The following ANKRD44 variants were observed in gnomAD, a reference collection of about 807,000 sequenced individuals.
The protein encoded by ANKRD44 is ankyrin repeat domain 44.
ANKRD44 carries 35 observed loss-of-function variants against 116.0 expected under a neutral mutation model. That is an observed-to-expected ratio of 0.30 (90% confidence interval 0.23 to 0.40). The LOEUF (loss-of-function observed/expected upper bound fraction) is 0.40. Among genes scored for constraint, ANKRD44 ranks in the 10% least tolerant of loss-of-function variants. ANKRD44 has a pLI of 1.00. For synonymous variants in ANKRD44, 435 were observed against 461.8 expected, an observed-to-expected ratio of 0.94 and a Z score of 0.74; for missense variants, 1,014 against 1,242.6, an observed-to-expected ratio of 0.82 and a Z score of 2.77.
At chr2:197,077,416 T>A (rs940055537) in intron 16 of ANKRD44, among the ~76,000 whole-genome samples, 1 of 152,180 alleles carries the variant, frequency 6.6e-6, no homozygotes, top group East Asian at 1.9e-4. Flanking sequence ...CACAGTTAGG[T>A]GAGCCAGCAG....
At chr2:196,992,578 C>A (rs2075940206) in intron 27 of ANKRD44, 1 of 152,604 alleles carries the variant, frequency 6.6e-6, no homozygotes, top group Admixed American at 6.5e-5. Context: ...TGCAGGCCAA[C>A]CCTAAGTCTA....
chr2:197,281,343 C>T (rs926840822), intron 1 of ANKRD44, among the ~76,000 whole-genome samples: 2 of 152,104 alleles, frequency 1.3e-5, no homozygotes, highest in Non-Finnish European at 1.5e-5. Context: ...CTCCATCCCC[C>T]ACCCCCCATC....
chr2:197,056,596 A>T (rs1352869049), intron 16 of ANKRD44, among the ~76,000 whole-genome samples: 3 of 152,112 alleles, frequency 2.0e-5, no homozygotes, highest in African/African-American at 4.8e-5. Context: ...TTTATTTAGG[A>T]CATCTTTAAT....
At chr2:196,985,709 T>C (rs1282861429), downstream of ANKRD44, among the ~76,000 whole-genome samples, 3 of 152,174 alleles carry the variant, frequency 2.0e-5, no homozygotes, top group Non-Finnish European at 4.4e-5. Flanking sequence ...CTGCTAACAT[T>C]CTATACTACT....
chr2:197,267,491 T>A (rs1046354010), intron 1 of ANKRD44, among the ~76,000 whole-genome samples: 8 of 152,224 alleles, frequency 5.3e-5, no homozygotes, highest in African/African-American at 1.9e-4. Context: ...GGAAAAAATA[T>A]GATCCTTAGA....
chr2:197,182,262 A>G lies in ANKRD44; in HGVS notation c.111+4761T>C, dbSNP rs185305480. Among the ~76,000 whole-genome samples, 8 of 152,336 alleles carry G rather than the reference A, an allele frequency of 5.3e-5. No homozygotes were observed. The East Asian group carries it at 1.5e-3, about 29-fold the overall frequency. On this transcript the variant is annotated intron_variant, in intron 2 of 27. Coordinates refer to ENST00000282272, the MANE Select transcript of ANKRD44 (RefSeq NM_001195144.2). ...TCTCAGAGTGTACAATGATCATCCC[A>G]TATTTCCAGGCCCTGGTATGCCATT...
chr2:197,146,599 T>C (rs1299237200), intron 3 of ANKRD44, among the ~76,000 whole-genome samples: 2 of 148,494 alleles, frequency 1.3e-5, no homozygotes, highest in African/African-American at 2.6e-5. Flanking sequence ...ATGCTATACA[T>C]AGTGTTTATG....
In ANKRD44 at chr2:197,005,907, T is replaced by A; in HGVS notation, c.2134A>T (p.Met712Leu). ...TGCACACATTCCTCGTGTCCTGTCA[T>A]AATCTGATGCATTGTAATTAAAAAC... ...LGCTALHRGI[M>L]TGHEECVQML... The change falls in exon 21 of 28, where the codon ATG becomes TTG. Residue 712 changes from methionine to leucine, a missense_variant. Met to Leu is a conservative substitution (Grantham distance 15). Transcript: ENST00000282272. 6.2e-7 allele frequency: 1 copy of A among 1,614,168 alleles called. No individual in the cohort carries two copies. The highest frequency in any genetic ancestry group is 1.1e-5 in the South Asian group (1 of 91,088).
chr2:197,153,706 A>T (rs1157603169), intron 2 of ANKRD44, among the ~76,000 whole-genome samples: 1 of 152,214 alleles, frequency 6.6e-6, no homozygotes, highest in African/African-American at 2.4e-5. Flanking sequence ...AAAAACAAAC[A>T]TGTTAACATT....
intron 17 of ANKRD44, 84 bp from the exon 18 acceptor site, chr2:197,013,796 GGGCCA>G: frequency 6.9e-7 from 1 of 1,446,148 alleles, no homozygotes; most frequent in Non-Finnish European, 9.6e-7. Context: ...TGGGCTTCCT[GGGCCA>G]TGGATAGAGA....
At chr2:197,227,558 C>A (rs1336321900) in intron 1 of ANKRD44, among the ~76,000 whole-genome samples, 1 of 151,340 alleles carries the variant, frequency 6.6e-6, no homozygotes, top group East Asian at 1.9e-4. Flanking sequence ...CATCCCAATT[C>A]TACTAAACTA....
At chr2:197,179,325 T>C (rs1268888333) in intron 2 of ANKRD44, among the ~76,000 whole-genome samples, 1 of 152,176 alleles carries the variant, frequency 6.6e-6, no homozygotes, top group Admixed American at 6.5e-5. Flanking sequence ...TTTTGTCAAG[T>C]TTCCCCACTC....
chr2:196,988,001 T>C lies in ANKRD44; in HGVS notation c.*1590A>G, dbSNP rs1421354073. ...AGGAAGAGAGAGAGAGAGAGATCAG[T>C]TGATGTAATGAACAGTTCATTGTGA... is the stretch of plus-strand genomic sequence containing the variant. On this transcript the variant is annotated 3_prime_UTR_variant, in exon 28 of 28. Transcript: ENST00000282272. The C allele has an allele frequency of 2.0e-6, 2 of 985,164 alleles. No homozygotes were observed. The highest frequency in any genetic ancestry group is 9.4e-5 in the South Asian group (2 of 21,278). The allele number at this position is 985,164 out of a possible 1,614,324, so 61.0% of individuals were successfully genotyped here. A position where few individuals can be genotyped will look rare whatever the true frequency, so the allele number is the denominator to read the frequency against.
chr2:197,077,258 T>C (rs946515719), intron 16 of ANKRD44, among the ~76,000 whole-genome samples: 8 of 152,244 alleles, frequency 5.3e-5, no homozygotes, highest in African/African-American at 9.6e-5. Flanking sequence ...TAATGATCAG[T>C]GATGCTGAGC....
chr2:197,155,041 T>C (rs559764607), intron 2 of ANKRD44, among the ~76,000 whole-genome samples: 1 of 152,298 alleles, frequency 6.6e-6, no homozygotes, highest in South Asian at 2.1e-4. Context: ...AAAATGATGA[T>C]AAAATAAGAA....
chr2:197,236,866 A>C (rs1282059013), intron 1 of ANKRD44, among the ~76,000 whole-genome samples: 1 of 152,204 alleles, frequency 6.6e-6, no homozygotes, highest in Non-Finnish European at 1.5e-5. Flanking sequence ...TCTGAAGGCT[A>C]CTGTTTTTAG....
At chr2:197,272,394 C>A (rs1040418408) in intron 1 of ANKRD44, among the ~76,000 whole-genome samples, 2 of 152,104 alleles carry the variant, frequency 1.3e-5, no homozygotes, top group East Asian at 3.9e-4. Context: ...CGTGCCACCA[C>A]GCCCAGCTAA....
intron 21 of ANKRD44, among the ~76,000 whole-genome samples, chr2:196,969,426 T>A (rs1288366889): frequency 6.6e-6 from 1 of 152,184 alleles, no homozygotes; most frequent in South Asian, 2.1e-4. Context: ...CCTGTTTTTA[T>A]ACCACTTTTT....
At chr2:197,028,377 C>G (rs1453708285) in intron 16 of ANKRD44, among the ~76,000 whole-genome samples, 1 of 152,178 alleles carries the variant, frequency 6.6e-6, no homozygotes, top group Admixed American at 6.5e-5. Context: ...CACAAGTCAC[C>G]ACGCCTGGCT....
Sources: allele counts gnomAD v4.1 joint callset (sites outside exome capture counted in the v4.1 genomes callset), GRCh38; gene constraint gnomAD v4.1.1; transcripts MANE v1.5; gene names NCBI Gene and HGNC (gene_info 2026-07-23, HGNC 2026-07-21).